TSHZ2: variants seen among roughly 807,000 people sequenced by gnomAD.
TSHZ2 encodes the protein teashirt homolog 2.
A neutral mutation model predicts 74.4 loss-of-function variants in TSHZ2; 21 were observed. That is an observed-to-expected ratio of 0.28 (90% CI 0.20 to 0.41). TSHZ2 has a LOEUF of 0.41. Ranked by LOEUF, TSHZ2 falls within the 10% of genes least tolerant of loss-of-function variation. The pLI, the probability that TSHZ2 is intolerant of heterozygous loss-of-function variation, is 1.00. For missense variants in TSHZ2, 1,244 were observed against 1,293.5 expected (o/e 0.96, Z 0.59); for synonymous variants, 540 against 515.3 (o/e 1.05, Z -0.65).
intron 2 of TSHZ2, among the ~76,000 whole-genome samples, chr20:53,415,799 T>C (rs978621525): frequency 1.7e-4 from 24 of 145,368 alleles, no homozygotes; most frequent in Non-Finnish European, 2.2e-4. Flanking sequence ...TGTGTAGATA[T>C]ACACACACAC....
At chr20:53,282,524 C>T (rs1027296265) in intron 2 of TSHZ2, among the ~76,000 whole-genome samples, 7 of 152,140 alleles carry the variant, frequency 4.6e-5, no homozygotes, top group Admixed American at 1.3e-4. Context: ...ATGGGGAAAC[C>T]GAGGTTCAGG....
intron 1 of TSHZ2, chr20:53,185,737 A>G: frequency 1.3e-6 from 2 of 1,534,672 alleles, no homozygotes; most frequent in Non-Finnish European, 1.7e-6. Context: ...TCTCTTGCTA[A>G]ATGGATGTTC....
rs139865511 is a variant in TSHZ2 at position 53,084,686 on chromosome 20, C to CCTCCCTCT, written c.40+111374_40+111381dup. On this transcript the variant is annotated intron_variant, in intron 1 of 2. Coordinates refer to ENST00000371497, the MANE Select transcript of TSHZ2 (RefSeq NM_173485.6). ...CTCTCCTTCTCTCCCTCCCTCCCTC[C>CCTCCCTCT]CTCCCTCTCTCCCTCTCTCCCTCTC... Among the ~76,000 whole-genome samples, 871 of 107,994 alleles carry CCTCCCTCT rather than the reference C, an allele frequency of 8.1e-3. 11 individuals are homozygous for CCTCCCTCT. Among genetic ancestry groups the CCTCCCTCT allele is most frequent in the African/African-American group, 0.021 (564 of 26,448 alleles). The allele number at this position is 107,994 out of a possible 152,430, so 70.8% of individuals were successfully genotyped here.
At position 53,253,624 on chromosome 20, in the gene TSHZ2, A is replaced by G. The variant is rs142580477; in HGVS notation, c.166A>G (p.Thr56Ala). The G allele has an allele frequency of 4.0e-4, 648 of 1,614,126 alleles. 2 individuals are homozygous for G. The East Asian group carries it at 0.011, about 28-fold the overall frequency. The change falls in exon 2 of 3, where the codon ACG becomes GCG. Residue 56 changes from threonine to alanine, a missense_variant. This residue lies in a region of TSHZ2 where 470 missense variants were observed against 456.5 expected (regional missense o/e 1.03). Coordinates refer to ENST00000371497, the MANE Select transcript of TSHZ2 (RefSeq NM_173485.6). ...NDTGTDEELE[T>A]GPEQKGCFSY... ...CACAGGGACGGACGAGGAGCTAGAA[A>G]CGGGCCCAGAGCAAAAAGGCTGCTT... is the stretch of plus-strand genomic sequence containing the variant.
intron 1 of TSHZ2, among the ~76,000 whole-genome samples, chr20:53,201,717 A>G (rs56817213): frequency 0.052 from 7,909 of 152,116 alleles, 708 homozygotes; most frequent in African/African-American, 0.18. Flanking sequence ...CCTCAGCACT[A>G]TGGACATTTT....
At chr20:53,352,576 T>A (rs1600825510) in intron 2 of TSHZ2, among the ~76,000 whole-genome samples, 1 of 151,750 alleles carries the variant, frequency 6.6e-6, no homozygotes. Flanking sequence ...GACTTCAAGA[T>A]CAGCCTGGCC....
At chr20:53,239,877 T>C (rs1990024946) in intron 1 of TSHZ2, among the ~76,000 whole-genome samples, 1 of 152,202 alleles carries the variant, frequency 6.6e-6, no homozygotes, top group Non-Finnish European at 1.5e-5. Context: ...TATAAAAATG[T>C]ATCTAATTTG....
intron 2 of TSHZ2, among the ~76,000 whole-genome samples, chr20:53,469,713 A>G (rs1436334920): frequency 1.4e-5 from 1 of 71,992 alleles, no homozygotes; most frequent in South Asian, 4.9e-4. Flanking sequence ...AGAGAAAGAG[A>G]GAGGGAGGAA....
At chr20:53,040,060 C>T (rs910257860) in intron 1 of TSHZ2, among the ~76,000 whole-genome samples, 15 of 151,510 alleles carry the variant, frequency 9.9e-5, no homozygotes, top group Non-Finnish European at 1.8e-4. Context: ...GAGCCAAGAT[C>T]GAGCCACTGC....
intron 2 of TSHZ2, chr20:53,400,233 C>T (rs747542721): frequency 6.6e-6 from 1 of 152,220 alleles, no homozygotes; most frequent in Admixed American, 6.5e-5. Context: ...GCCCTCAGTG[C>T]CTGCTAGATG....
chr20:53,147,397 C>T (rs1454824706), intron 1 of TSHZ2, among the ~76,000 whole-genome samples: 1 of 152,128 alleles, frequency 6.6e-6, no homozygotes, highest in Non-Finnish European at 1.5e-5. Flanking sequence ...CAGTTTTGTG[C>T]TATCATCTAC....
intron 2 of TSHZ2, among the ~76,000 whole-genome samples, chr20:53,377,770 G>T (rs940201329): frequency 1.3e-5 from 2 of 152,130 alleles, no homozygotes; most frequent in Admixed American, 1.3e-4. Flanking sequence ...GGCTGAGATG[G>T]GAAGATCGCT....
At chr20:53,001,228 G>GTGTGTGTGTGTGTATA in intron 1 of TSHZ2, among the ~76,000 whole-genome samples, 1 of 143,484 alleles carries the variant, frequency 7.0e-6, no homozygotes, top group African/African-American at 2.7e-5. Flanking sequence ...GTGTGTGTGT[G>GTGTGTGTGTGTGTATA]TGTGTGTGTG....
At chr20:53,272,339 T>C (rs1364453278) in intron 2 of TSHZ2, among the ~76,000 whole-genome samples, 3 of 151,956 alleles carry the variant, frequency 2.0e-5, no homozygotes, top group South Asian at 2.1e-4. Context: ...GAGCCTCCAG[T>C]TGACATTGGA....
intron 2 of TSHZ2, among the ~76,000 whole-genome samples, chr20:53,363,093 G>A (rs551035445): frequency 1.3e-5 from 2 of 152,320 alleles, no homozygotes; most frequent in African/African-American, 2.4e-5. Context: ...CTGTCACCCC[G>A]TAGGAGGGGT....
intron 1 of TSHZ2, among the ~76,000 whole-genome samples, chr20:53,058,287 T>C (rs955453859): frequency 1.3e-5 from 2 of 152,200 alleles, no homozygotes; most frequent in African/African-American, 4.8e-5. Context: ...CTGTCTTTGA[T>C]GGCCTCAAAC....
At chr20:53,359,579 ATAAAGAT>A (rs1568884097) in intron 2 of TSHZ2, among the ~76,000 whole-genome samples, 1 of 152,252 alleles carries the variant, frequency 6.6e-6, no homozygotes, top group Admixed American at 6.5e-5. Context: ...TTCATTTGGC[ATAAAGAT>A]TAAACTGTGC....
intron 2 of TSHZ2, among the ~76,000 whole-genome samples, chr20:53,355,394 G>A (rs556819484): frequency 1.6e-4 from 25 of 152,206 alleles, no homozygotes; most frequent in Admixed American, 2.6e-4. Flanking sequence ...AATAAAATAT[G>A]ATGTATTCAT....
intron 2 of TSHZ2, among the ~76,000 whole-genome samples, chr20:53,263,537 G>C (rs1442783768): frequency 1.3e-5 from 2 of 152,208 alleles, no homozygotes; most frequent in African/African-American, 4.8e-5. Flanking sequence ...GCCCCCCAGT[G>C]TTCTAGTCGA....
Sources: gnomAD v4.1 joint callset for allele counts (sites outside exome capture counted in the v4.1 genomes callset) on GRCh38, gnomAD v4.1.1 for gene constraint, gnomAD v4.1.1 regional missense constraint, MANE v1.5 for transcripts, NCBI Gene and HGNC (gene_info 2026-07-23, HGNC 2026-07-21) for gene names.